The following AIG1 variants were observed in gnomAD, a reference collection of about 807,000 sequenced individuals.
AIG1 encodes the protein androgen-induced gene 1 protein.
In AIG1, 23 loss-of-function variants were observed where a neutral mutation model predicts 31.4. The observed-to-expected ratio is 0.73, with a 90% CI of 0.53 to 1.04. AIG1 has a LOEUF of 1.04. Ranked by LOEUF, AIG1 falls within the 50% of genes least tolerant of loss-of-function variation. The pLI, the probability that AIG1 is intolerant of heterozygous loss-of-function variation, is 0.00. For missense variants in AIG1, 274 were observed against 295.0 expected, an observed-to-expected ratio of 0.93 and a Z score of 0.52; for synonymous variants, 100 against 110.5, an observed-to-expected ratio of 0.90 and a Z score of 0.60.
intron 1 of AIG1, among the ~76,000 whole-genome samples, chr6:143,107,511 TTAAAAG>T (rs1419194030): frequency 6.6e-6 from 1 of 152,160 alleles, no homozygotes; most frequent in Non-Finnish European, 1.5e-5. Context: ...ATGTAGGTCC[TTAAAAG>T]TAAACTAGAA....
intron 3 of AIG1, among the ~76,000 whole-genome samples, chr6:143,225,040 G>A (rs912692673): frequency 6.6e-6 from 1 of 152,004 alleles, no homozygotes; most frequent in African/African-American, 2.4e-5. Context: ...GCTTTCCTCC[G>A]ACTTAATTCC....
chr6:143,218,790 C>G (rs1019230333), intron 3 of AIG1, among the ~76,000 whole-genome samples: 7 of 152,208 alleles, frequency 4.6e-5, no homozygotes, highest in African/African-American at 1.7e-4. Flanking sequence ...TTATTATCTT[C>G]CTGAACCTCT....
Position 143,061,073 on chromosome 6 carries a change from C to T in AIG1, c.141+7C>T. The T allele has an allele frequency of 6.2e-7, 1 of 1,611,922 alleles. No homozygotes were observed. The highest frequency in any genetic ancestry group is 8.5e-7 in the Non-Finnish European group (1 of 1,178,766). On this transcript the variant is annotated splice_region_variant and intron_variant, in intron 1 of 5. Transcript: ENST00000357847. ...CCTGACGTTCATTGATCTGGTAAGG[C>T]CGTCCCCTCCCCCTGCTCGCCCCGC...
chr6:143,209,671 A>G (rs1264717861), intron 3 of AIG1, among the ~76,000 whole-genome samples: 1 of 152,198 alleles, frequency 6.6e-6, no homozygotes, highest in Non-Finnish European at 1.5e-5. Flanking sequence ...CCCTTGTTTT[A>G]GCCCAGTGAG....
At chr6:143,245,670 A>G (rs975862537) in intron 3 of AIG1, among the ~76,000 whole-genome samples, 3 of 152,238 alleles carry the variant, frequency 2.0e-5, no homozygotes, top group Admixed American at 6.5e-5. Context: ...TTTTTCCTAC[A>G]GAATCATTTC....
At chr6:143,285,691 C>T (rs1275597633) in intron 4 of AIG1, among the ~76,000 whole-genome samples, 2 of 152,016 alleles carry the variant, frequency 1.3e-5, no homozygotes, top group Non-Finnish European at 2.9e-5. Context: ...GCCCCTCCAT[C>T]AACTAGTAAA....
At chr6:143,337,280 G>A (rs1777568232) in intron 5 of AIG1, among the ~76,000 whole-genome samples, 1 of 152,156 alleles carries the variant, frequency 6.6e-6, no homozygotes, top group African/African-American at 2.4e-5. Context: ...AAGTCATGGG[G>A]GTCCAAGCAG....
intron 3 of AIG1, among the ~76,000 whole-genome samples, chr6:143,241,289 T>A (rs1436871179): frequency 6.6e-6 from 1 of 152,180 alleles, no homozygotes. Flanking sequence ...CAAACCCCTA[T>A]GTGAAAACCC....
rs557415767 is a variant in AIG1, at chr6:143,211,004, C to T, written c.399+45821C>T. Among the ~76,000 whole-genome samples the T allele has an allele frequency of 6.2e-4, 95 of 152,266 alleles. 1 individual carries two copies. The highest frequency in any genetic ancestry group is 2.2e-3 in the African/African-American group (91 of 41,552). On this transcript the variant is annotated intron_variant, in intron 3 of 5. Transcript: ENST00000357847. ...GGGGCAGACAGATTTTTAACCCTAT[C>T]TTTGCTTGCTTTTGGATGCTTCCCT...
chr6:143,317,464 T>C (rs184096373), intron 4 of AIG1, among the ~76,000 whole-genome samples: 78 of 152,064 alleles, frequency 5.1e-4, no homozygotes, highest in African/African-American at 1.8e-3. Context: ...ATCCCTTTAT[T>C]ATTAAAACCC....
In AIG1 at chr6:143,060,939, C is replaced by G; in HGVS notation, c.14C>G (p.Pro5Arg). The stretch of plus-strand genomic sequence containing the variant: ...CCTCTGGCGAACATGGCGCTTGTCC[C>G]CTGCCAGGTGCTGCGGATGGCAATC... MALV[P>R]CQVLRMAILL... The change falls in exon 1 of 6, where the codon CCC becomes CGC. Residue 5 changes from proline to arginine, a missense_variant. Transcript: ENST00000357847. The G allele has an allele frequency of 6.2e-7, 1 of 1,610,816 alleles. No individual in the cohort carries two copies.
At chr6:143,308,939 A>G (rs1775031897) in intron 4 of AIG1, among the ~76,000 whole-genome samples, 1 of 152,036 alleles carries the variant, frequency 6.6e-6, no homozygotes, top group South Asian at 2.1e-4. Flanking sequence ...CCATATATAA[A>G]ATATATTTAA....
rs188193539 is a variant in AIG1, at chr6:143,317,526, C to T, written c.516-15756C>T. Among the ~76,000 whole-genome samples the T allele has an allele frequency of 2.7e-4, 41 of 152,146 alleles. 1 individual carries two copies. The Middle Eastern group carries it at 0.01, about 38-fold the overall frequency. ...TACCTTAATGTAATAAAGCCATCTACGACAAACCCACAGCCAACATAATAC... is the reference window on the plus strand; with the variant it reads ...TACCTTAATGTAATAAAGCCATCTATGACAAACCCACAGCCAACATAATAC... On this transcript the variant is annotated intron_variant, in intron 4 of 5. Transcript: ENST00000357847.
At chr6:143,277,186 A>G (rs1402395231) in intron 3 of AIG1, among the ~76,000 whole-genome samples, 2 of 152,204 alleles carry the variant, frequency 1.3e-5, no homozygotes, top group Non-Finnish European at 2.9e-5. Flanking sequence ...TCAAGATAAA[A>G]ATGTTCTCAT....
In AIG1 at chr6:143,258,051, T is replaced by G. The variant is rs1231117043; in HGVS notation, c.400-26059T>G. On this transcript the variant is annotated intron_variant, in intron 3 of 5. Transcript: ENST00000357847. This position sits in a 1 kb window ranked among gnomAD's most constrained non-coding sequence, Gnocchi z 4.7. ...AAACTAATAACTACTGAATGCCTGT[T>G]ATAAGCCAACCTGATGCCCAGAGTC... Among the ~76,000 whole-genome samples the G allele has an allele frequency of 1.3e-5, 2 of 152,232 alleles. No individual in the cohort carries two copies. Among genetic ancestry groups the G allele is most frequent in the Non-Finnish European group, 1.5e-5 (1 of 68,038 alleles).
chr6:143,068,501 T>G (rs1776934281), intron 1 of AIG1, among the ~76,000 whole-genome samples: 1 of 152,240 alleles, frequency 6.6e-6, no homozygotes, highest in Admixed American at 6.5e-5. Flanking sequence ...TTGAACAAGA[T>G]GTAAGACAGA....
chr6:143,211,942 C>T (rs940910725), intron 3 of AIG1, among the ~76,000 whole-genome samples: 3 of 151,952 alleles, frequency 2.0e-5, no homozygotes, highest in Admixed American at 2.0e-4. Context: ...TTTTTCCTTT[C>T]CTGTGGTATC....
chr6:143,070,886 T>C (rs1777182947), intron 1 of AIG1, among the ~76,000 whole-genome samples: 1 of 152,268 alleles, frequency 6.6e-6, no homozygotes, highest in Non-Finnish European at 1.5e-5. Flanking sequence ...GACATTTTAA[T>C]TGAGGTAATT....
chr6:143,225,282 A>G (rs954058747), intron 3 of AIG1, among the ~76,000 whole-genome samples: 1 of 152,004 alleles, frequency 6.6e-6, no homozygotes, highest in African/African-American at 2.4e-5. Context: ...TCTCTTTTTT[A>G]TATTGTAGTT....
Sources: allele counts gnomAD v4.1 joint callset (sites outside exome capture counted in the v4.1 genomes callset), GRCh38; gene constraint gnomAD v4.1.1; non-coding constraint Gnocchi (gnomAD v3.1); transcripts MANE v1.5; gene names NCBI Gene and HGNC (gene_info 2026-07-23, HGNC 2026-07-21).